KCND2: variants seen among roughly 807,000 people sequenced by gnomAD.
KCND2 encodes the protein A-type voltage-gated potassium channel KCND2.
In KCND2, 16 loss-of-function variants were observed where a neutral mutation model predicts 54.4. The ratio of observed to expected loss-of-function variants is 0.29; its 90% CI spans 0.20 to 0.45. The LOEUF (loss-of-function observed/expected upper bound fraction) is 0.45. Among genes scored for constraint, KCND2 ranks in the 20% least tolerant of loss-of-function variants. The probability of loss-of-function intolerance (pLI) is 1.00; values close to 1 mark genes in which losing one functional copy is unlikely to be tolerated. For synonymous variants in KCND2, 317 were observed against 310.7 expected (o/e 1.02, Z -0.21); for missense variants, 486 against 824.2 (o/e 0.59, Z 5.02).
chr7:120,724,180 G>A (rs902621381), intron 1 of KCND2, among the ~76,000 whole-genome samples: 1 of 152,122 alleles, frequency 6.6e-6, no homozygotes, highest in African/African-American at 2.4e-5. Flanking sequence ...CTAGACCTGG[G>A]TTTATAACAA....
At chr7:120,426,352 A>C (rs947547157) in intron 1 of KCND2, among the ~76,000 whole-genome samples, 13 of 152,304 alleles carry the variant, frequency 8.5e-5, no homozygotes, top group African/African-American at 3.1e-4. Flanking sequence ...AGAAAGAAAT[A>C]GGATTTCTTC....
intron 1 of KCND2, among the ~76,000 whole-genome samples, chr7:120,465,667 A>G (rs1802357904): frequency 6.6e-6 from 1 of 151,928 alleles, no homozygotes; most frequent in South Asian, 2.1e-4. Flanking sequence ...TAGCAGTCAG[A>G]TAGACCTGTC....
chr7:120,507,781 T>C (rs1455699992), intron 1 of KCND2, among the ~76,000 whole-genome samples: 2 of 151,902 alleles, frequency 1.3e-5, no homozygotes, highest in Non-Finnish European at 2.9e-5. Context: ...CACTGTTATT[T>C]TAGATTTTCT....
At chr7:120,717,151 G>T (rs548538252) in intron 1 of KCND2, among the ~76,000 whole-genome samples, 1 of 152,208 alleles carries the variant, frequency 6.6e-6, no homozygotes, top group Admixed American at 6.6e-5. Context: ...GGTGACTAAC[G>T]TAGGCATTGT....
At chr7:120,702,771 G>A (rs528365434) in intron 1 of KCND2, among the ~76,000 whole-genome samples, 22 of 152,184 alleles carry the variant, frequency 1.4e-4, no homozygotes, top group East Asian at 9.7e-4. Context: ...ACACATACAG[G>A]GGACCACTGA....
At position 120,489,335 on chromosome 7, in the gene KCND2, A is replaced by T. The variant is rs530144798; in HGVS notation, c.1115+213588A>T. 2.6e-5 allele frequency among the ~76,000 whole-genome samples: 4 copies of T among 152,174 alleles called. No individual in the cohort carries two copies. In the East Asian group the frequency reaches 7.7e-4, roughly 29 times the overall value. Reference sequence around the variant, plus strand: ...TGTATTAATATGATATATGTAATACATATACAATATACAAATTTAAAAATT... The same window carrying T: ...TGTATTAATATGATATATGTAATACTTATACAATATACAAATTTAAAAATT... On this transcript the variant is annotated intron_variant, in intron 1 of 5. Coordinates refer to ENST00000331113, the MANE Select transcript of KCND2 (RefSeq NM_012281.3).
chr7:120,585,967 G>A (rs548546650), intron 1 of KCND2, among the ~76,000 whole-genome samples: 14 of 152,240 alleles, frequency 9.2e-5, no homozygotes, highest in Admixed American at 9.2e-4. Flanking sequence ...TGATCCTTCA[G>A]CAGTCATATG....
At chr7:120,363,090 C>G (rs1485548251) in intron 1 of KCND2, among the ~76,000 whole-genome samples, 1 of 152,002 alleles carries the variant, frequency 6.6e-6, no homozygotes, top group East Asian at 1.9e-4. Flanking sequence ...CACTTGAGCT[C>G]AGGAGTTTAA....
intron 1 of KCND2, among the ~76,000 whole-genome samples, chr7:120,685,654 C>T (rs1047749620): frequency 6.6e-6 from 1 of 152,124 alleles, no homozygotes; most frequent in East Asian, 1.9e-4. Flanking sequence ...ATCACAAAAG[C>T]AGTTAAATTT....
At chr7:120,529,582 T>G (rs776818842) in intron 1 of KCND2, among the ~76,000 whole-genome samples, 2 of 152,184 alleles carry the variant, frequency 1.3e-5, no homozygotes, top group Non-Finnish European at 2.9e-5. Context: ...ATAGTCAGTT[T>G]TAATGAATAC....
chr7:120,534,557 TG>T (rs1486272206), intron 1 of KCND2, among the ~76,000 whole-genome samples: 1 of 152,168 alleles, frequency 6.6e-6, no homozygotes, highest in East Asian at 1.9e-4. Flanking sequence ...AGTGGGATCC[TG>T]GAACAGAAAT....
intron 1 of KCND2, among the ~76,000 whole-genome samples, chr7:120,628,209 A>C (rs547862471): frequency 2.0e-5 from 3 of 152,220 alleles, no homozygotes; most frequent in Non-Finnish European, 4.4e-5. Flanking sequence ...CGAACACTCA[A>C]ATAACTTAGG....
chr7:120,740,859 G>T (rs1352309773), intron 2 of KCND2: 1 of 456,174 alleles, frequency 2.2e-6, no homozygotes, highest in Non-Finnish European at 4.4e-6. Context: ...CAGTCGTGCG[G>T]ACCCGTGCCG....
At chr7:120,353,041 G>C (rs1039928202) in intron 1 of KCND2, among the ~76,000 whole-genome samples, 2 of 151,482 alleles carry the variant, frequency 1.3e-5, no homozygotes, top group African/African-American at 4.9e-5. Flanking sequence ...CTAGATTTCA[G>C]GCTTGTATTA....
At chr7:120,337,839 C>A (rs1002516609) in intron 1 of KCND2, among the ~76,000 whole-genome samples, 1 of 152,134 alleles carries the variant, frequency 6.6e-6, no homozygotes, top group African/African-American at 2.4e-5. Context: ...CAAGAACTTT[C>A]TTCTGAGAAA....
chr7:120,585,543 G>A (rs556733982), intron 1 of KCND2, among the ~76,000 whole-genome samples: 3 of 152,126 alleles, frequency 2.0e-5, no homozygotes, highest in African/African-American at 2.4e-5. Context: ...CTGAATTCAG[G>A]TAGATAAAAA....
chr7:120,712,925 T>G (rs1367224318), intron 1 of KCND2, among the ~76,000 whole-genome samples: 1 of 152,158 alleles, frequency 6.6e-6, no homozygotes, highest in African/African-American at 2.4e-5. Context: ...AGATGTAGTC[T>G]TATTTATAAA....
intron 1 of KCND2, among the ~76,000 whole-genome samples, chr7:120,337,451 T>A (rs1326366378): frequency 2.0e-5 from 3 of 152,194 alleles, no homozygotes; most frequent in Admixed American, 2.0e-4. Context: ...AGTGGAGCAG[T>A]GTGGAATATT....
intron 1 of KCND2, among the ~76,000 whole-genome samples, chr7:120,362,326 T>A (rs978667264): frequency 2.0e-5 from 3 of 152,112 alleles, no homozygotes; most frequent in Non-Finnish European, 4.4e-5. Context: ...TCTGAGACTA[T>A]CTTACTGGTG....
Sources: gnomAD v4.1 joint callset for allele counts (sites outside exome capture counted in the v4.1 genomes callset) on GRCh38, gnomAD v4.1.1 for gene constraint, MANE v1.5 for transcripts, NCBI Gene and HGNC (gene_info 2026-07-23, HGNC 2026-07-21) for gene names.